FRYL: variants seen among roughly 807,000 people sequenced by gnomAD.
FRYL encodes FRY like transcription coactivator.
FRYL carries 150 observed loss-of-function variants against 351.2 expected under a neutral mutation model. The observed-to-expected ratio is 0.43, with a 90% confidence interval of 0.37 to 0.49. The LOEUF is 0.49. FRYL is among the 20% of genes least tolerant of loss of function. The pLI is 0.00. For missense variants in FRYL, 3,036 were observed against 3,619.3 expected (o/e 0.84, Z 4.13); for synonymous variants, 1,153 against 1,257.1 (o/e 0.92, Z 1.75).
intron 12 of FRYL, among the ~76,000 whole-genome samples, 199 bp downstream of exon 12, chr4:48,603,091 T>A (rs1300722326): frequency 6.6e-6 from 1 of 152,130 alleles, no homozygotes; most frequent in Non-Finnish European, 1.5e-5. Flanking sequence ...ACTCAACAAA[T>A]GCAGAGCTAG....
chr4:48,603,686 A>G (rs1485291803), intron 11 of FRYL, among the ~76,000 whole-genome samples: 3 of 152,164 alleles, frequency 2.0e-5, no homozygotes, highest in African/African-American at 7.2e-5. Context: ...AAACTCAACA[A>G]GGAAGTAACA....
chr4:48,593,270 C>T (rs201687008), intron 16 of FRYL, among the ~76,000 whole-genome samples: 1 of 12,240 alleles, frequency 8.2e-5, no homozygotes, highest in Admixed American at 7.0e-4. Context: ...AAAAAAACAA[C>T]CAAAAAAAAA....
At chr4:48,713,344 C>CG (rs1323535824) in intron 1 of FRYL, among the ~76,000 whole-genome samples, 4 of 152,004 alleles carry the variant, frequency 2.6e-5, no homozygotes, top group Non-Finnish European at 5.9e-5. Flanking sequence ...TAAAGAGTCA[C>CG]GACCCATCAG....
Position 48,540,393 on chromosome 4 carries a change from A to G in FRYL, c.6255T>C (p.Ser2085=). ...GATCCACCAATGTATGTTTGGAGACAGAAATGAGTTTACTGAGGAGGTGCA... is the reference window on the plus strand; with the variant it reads ...GATCCACCAATGTATGTTTGGAGACGGAAATGAGTTTACTGAGGAGGTGCA... ...MTVHLLSKLI[S]VSKHTLVDPS... The change falls in exon 46 of 64, where the codon TCT becomes TCC. Residue 2085 remains serine (S), a synonymous_variant. Transcript: ENST00000358350. 2 of 1,613,912 alleles carry G rather than the reference A, an allele frequency of 1.2e-6. No individual in the cohort carries two copies. The highest frequency in any genetic ancestry group is 2.2e-5 in the East Asian group (1 of 44,872).
intron 36 of FRYL, 40 bp from the exon 37 acceptor site, chr4:48,551,618 C>T (rs1423138284): frequency 1.7e-6 from 2 of 1,202,534 alleles, no homozygotes; most frequent in African/African-American, 3.0e-5. Flanking sequence ...AATCTACAAA[C>T]CTGGAATAAC....
chr4:48,634,078 T>C (rs1753776523), intron 4 of FRYL, among the ~76,000 whole-genome samples: 1 of 152,248 alleles, frequency 6.6e-6, no homozygotes, highest in African/African-American at 2.4e-5. Flanking sequence ...GTTTTATTTG[T>C]TTCCACAATT....
chr4:48,531,664 GTAAACAAAACATTTGTATA>G (rs1182947448), intron 49 of FRYL, among the ~76,000 whole-genome samples: 8 of 152,128 alleles, frequency 5.3e-5, no homozygotes, highest in Non-Finnish European at 8.8e-5. Context: ...GGCAGTAGTG[GTAAACAAAACATTTGTATA>G]TACGTCAGCT....
At chr4:48,574,384 A>G (rs1254409975) in intron 25 of FRYL, 1 of 152,160 alleles carries the variant, frequency 6.6e-6, no homozygotes, top group Non-Finnish European at 1.5e-5. Context: ...CTTCATTTAT[A>G]AGAAATGCTA....
intron 5 of FRYL, among the ~76,000 whole-genome samples, chr4:48,621,209 C>T (rs1560732353): frequency 6.6e-6 from 1 of 152,188 alleles, no homozygotes; most frequent in Non-Finnish European, 1.5e-5. Context: ...ACAAAGACTA[C>T]ATTATGTAAG....
At chr4:48,553,861 C>T (rs993844925) in intron 35 of FRYL, among the ~76,000 whole-genome samples, 7 of 152,104 alleles carry the variant, frequency 4.6e-5, no homozygotes, top group African/African-American at 1.7e-4. Context: ...TAAATTAGAA[C>T]TCCAACTACA....
At chr4:48,555,073 T>C (rs1733777267) in intron 35 of FRYL, among the ~76,000 whole-genome samples, 1 of 152,230 alleles carries the variant, frequency 6.6e-6, no homozygotes, top group South Asian at 2.1e-4. Context: ...ATGCCTATAA[T>C]AAGCACCCAT....
chr4:48,559,305 T>C (rs559003469), intron 33 of FRYL, among the ~76,000 whole-genome samples: 2 of 151,778 alleles, frequency 1.3e-5, no homozygotes, highest in East Asian at 2.0e-4. Context: ...AGAGTCTGTC[T>C]GTGGGTATAG....
At chr4:48,681,267 T>C (rs958617068) in intron 3 of FRYL, 3 of 253,160 alleles carry the variant, frequency 1.2e-5, no homozygotes, top group Non-Finnish European at 2.3e-5. Context: ...TAAACCCCAG[T>C]CAGTCAATTG....
intron 40 of FRYL, among the ~76,000 whole-genome samples, chr4:48,548,075 G>A (rs533356936): frequency 7.2e-5 from 11 of 151,864 alleles, no homozygotes; most frequent in Admixed American, 7.2e-4. Context: ...TTTAAAGGCA[G>A]GGTTTTTTGT....
Position 48,575,815 on chromosome 4 carries a change from C to T in FRYL, c.2721+215G>A, listed in dbSNP as rs563052411. On this transcript the variant is annotated intron_variant, in intron 24 of 63. Coordinates refer to ENST00000358350, the MANE Select transcript of FRYL (RefSeq NM_015030.2). Reference sequence around the variant, plus strand: ...TATGATAAACTGAATGAGCACGGGTCTTTCTTTCCAATGGAAAACTATGTA... The same window carrying T: ...TATGATAAACTGAATGAGCACGGGTTTTTCTTTCCAATGGAAAACTATGTA... Among the ~76,000 whole-genome samples the T allele has an allele frequency of 2.0e-5, 3 of 152,256 alleles. No individual in the cohort carries two copies. The South Asian group carries it at 6.2e-4, about 32-fold the overall frequency.
chr4:48,712,881 T>G (rs1768265882), intron 1 of FRYL, among the ~76,000 whole-genome samples: 2 of 152,202 alleles, frequency 1.3e-5, no homozygotes, highest in African/African-American at 4.8e-5. Context: ...AGCGGATCTC[T>G]CAGCAGAAAC....
intron 2 of FRYL, among the ~76,000 whole-genome samples, chr4:48,693,333 A>G (rs142736701): frequency 7.9e-5 from 12 of 152,316 alleles, no homozygotes; most frequent in African/African-American, 2.9e-4. Context: ...CTTGTCTCTT[A>G]CAAATGCATA....
Position 48,695,205 on chromosome 4 carries a change from G to A in FRYL, c.-203-10410C>T, listed in dbSNP as rs376529813. 1.4e-4 allele frequency among the ~76,000 whole-genome samples: 21 copies of A among 152,270 alleles called. No individual in the cohort carries two copies. In the South Asian group the frequency reaches 2.5e-3, roughly 18 times the overall value. ...ACCTCCAGAGTTTCTTCCTGTTCTA[G>A]AGCTCTGTGGTGCTGTAAGAGTTGC... is the stretch of plus-strand genomic sequence containing the variant. On this transcript the variant is annotated intron_variant, in intron 2 of 63. Transcript: ENST00000358350.
intron 7 of FRYL, among the ~76,000 whole-genome samples, chr4:48,613,616 G>A (rs1748694979): frequency 6.6e-6 from 1 of 152,172 alleles, no homozygotes; most frequent in African/African-American, 2.4e-5. Flanking sequence ...AGAGGTTGCT[G>A]TGTACTTCTC....
Sources: gnomAD v4.1 joint callset for allele counts (sites outside exome capture counted in the v4.1 genomes callset) on GRCh38, gnomAD v4.1.1 for gene constraint, MANE v1.5 for transcripts, NCBI Gene and HGNC (gene_info 2026-07-23, HGNC 2026-07-21) for gene names.